The following GLG1 variants were observed in gnomAD, a reference collection of about 807,000 sequenced individuals.
The protein encoded by GLG1 is golgi glycoprotein 1.
A neutral mutation model predicts 160.5 loss-of-function variants in GLG1; 38 were observed. The observed-to-expected ratio is 0.24, with a 90% confidence interval of 0.18 to 0.31. The LOEUF (loss-of-function observed/expected upper bound fraction) is 0.31, where lower values mean the gene tolerates loss of function less well. GLG1 is among the 10% of genes least tolerant of loss of function. The probability of loss-of-function intolerance (pLI) is 1.00; values close to 1 mark genes in which losing one functional copy is unlikely to be tolerated. For missense variants in GLG1, 1,373 were observed against 1,505.2 expected (o/e 0.91, Z 1.45); for synonymous variants, 644 against 543.4 (o/e 1.19, Z -2.57).
At chr16:74,497,239 A>C (rs2016223036) in intron 4 of GLG1, among the ~76,000 whole-genome samples, 1 of 150,706 alleles carries the variant, frequency 6.6e-6, no homozygotes, top group Non-Finnish European at 1.5e-5. Flanking sequence ...CAGTGAGCCG[A>C]GATCGTGCCA....
chr16:74,592,550 A>G (rs1205852812), intron 1 of GLG1, among the ~76,000 whole-genome samples: 2 of 152,180 alleles, frequency 1.3e-5, no homozygotes, highest in Non-Finnish European at 2.9e-5. Context: ...GCAGCGAACA[A>G]AAAGCATTAT....
At chr16:74,560,706 G>T (rs1261136241) in intron 1 of GLG1, among the ~76,000 whole-genome samples, 1 of 152,104 alleles carries the variant, frequency 6.6e-6, no homozygotes, top group Non-Finnish European at 1.5e-5. Flanking sequence ...CCTGAGCTGG[G>T]CATGGTGGCT....
intron 7 of GLG1, 135 bp downstream of exon 7, chr16:74,492,822 A>AG: frequency 1.9e-6 from 1 of 521,570 alleles, no homozygotes; most frequent in Non-Finnish European, 3.1e-6. Context: ...CTCCGTCTCA[A>AG]GAAAAAAAAA....
chr16:74,480,453 G>A, intron 10 of GLG1, 59 bp from the exon 11 acceptor site: 1 of 1,313,936 alleles, frequency 7.6e-7, no homozygotes, highest in Admixed American at 2.1e-5. Context: ...TTCTAACACA[G>A]GCTCAGGGTT....
chr16:74,468,799 G>T, intron 17 of GLG1, 147 bp downstream of exon 17: 1 of 640,632 alleles, frequency 1.6e-6, no homozygotes, highest in East Asian at 2.6e-5. Context: ...GGAAGCTAAT[G>T]GTCGTATGTT....
chr16:74,460,329 G>A (rs1035441278), intron 22 of GLG1, among the ~76,000 whole-genome samples: 1 of 152,030 alleles, frequency 6.6e-6, no homozygotes, highest in Non-Finnish European at 1.5e-5. Flanking sequence ...CCTGATTTTT[G>A]TATTTCTAGT....
rs775655830 is a variant in GLG1 at position 74,492,966 on chromosome 16, C to T, written c.1225G>A (p.Val409Ile). 3.7e-6 allele frequency: 6 copies of T among 1,605,608 alleles called. No homozygotes were observed. In the African/African-American group the frequency reaches 6.7e-5, roughly 18 times the overall value. The change falls in exon 7 of 26, where the codon GTA (valine) becomes ATA (isoleucine). Residue 409 changes from valine to isoleucine, a missense_variant. Transcript: ENST00000422840. ...SYLLMCLESA[V>I]HRGRQVSSEC... ...AAAATATGAATGCTACCTCTGTGTA[C>T]AGCTGACTCCAGGCACATTAACAAG...
intron 2 of GLG1, among the ~76,000 whole-genome samples, chr16:74,527,502 A>G (rs547424221): frequency 2.3e-4 from 35 of 152,124 alleles, no homozygotes; most frequent in South Asian, 8.3e-4. Flanking sequence ...CACCCACCTC[A>G]GCCTCCCAAA....
intron 8 of GLG1, among the ~76,000 whole-genome samples, chr16:74,487,791 C>T (rs1001945644): frequency 1.3e-5 from 2 of 151,982 alleles, no homozygotes; most frequent in Non-Finnish European, 2.9e-5. Flanking sequence ...TATTTACAGG[C>T]GAAAATGAAT....
In GLG1 at chr16:74,485,840, A is replaced by C. The variant is rs1181238109; in HGVS notation, c.1527T>G (p.Ser509=). 1 of 1,612,986 alleles carries C rather than the reference A, an allele frequency of 6.2e-7. No individual in the cohort carries two copies. The highest frequency in any genetic ancestry group is 8.5e-7 in the Non-Finnish European group (1 of 1,178,942). Residue 509 remains serine, a synonymous_variant, in exon 9 of 26, where the codon TCT becomes TCG. Transcript: ENST00000422840. ...IDRALNEACE[S]VIQTACKHIR... is the part of the protein sequence containing the mutation. The stretch of plus-strand genomic sequence containing the variant: ...TATGTTTGCAGGCTGTCTGGATTAC[A>C]GATTCACAAGCTTCATTCAAAGCTC...
At chr16:74,456,531 G>A (rs1373017217) in intron 25 of GLG1, 118 bp downstream of exon 25, 3 of 715,274 alleles carry the variant, frequency 4.2e-6, no homozygotes, top group Non-Finnish European at 5.0e-6. Context: ...ATCTAAAAGA[G>A]GCTGGACAGC....
chr16:74,471,096 G>A, intron 15 of GLG1, 77 bp downstream of exon 15: 2 of 844,384 alleles, frequency 2.4e-6, no homozygotes, highest in East Asian at 2.4e-5. Context: ...GAGGTGCTCT[G>A]ATGTTCCAAA....
At chr16:74,570,741 A>G (rs559863607) in intron 1 of GLG1, among the ~76,000 whole-genome samples, 1 of 152,312 alleles carries the variant, frequency 6.6e-6, no homozygotes, top group African/African-American at 2.4e-5. Flanking sequence ...ATAAAAAATC[A>G]GCCAGGTGTG....
At position 74,503,527 on chromosome 16, in the gene GLG1, A is replaced by T; in HGVS notation, c.774+4T>A. ...TTTGTTGAAGCTAACGTAGTATTAG[A>T]TACCTTTTCTCCAAGCCGAATACTG... On this transcript the variant is annotated splice_donor_region_variant and intron_variant, in intron 4 of 25. Coordinates refer to ENST00000422840, the MANE Select transcript of GLG1 (RefSeq NM_001145667.2). 6.3e-7 allele frequency: 1 copy of T among 1,587,046 alleles called. No individual in the cohort carries two copies. Among genetic ancestry groups the T allele is most frequent in the South Asian group, 1.1e-5 (1 of 90,520 alleles).
Position 74,450,595 on chromosome 16 carries a change from A to C in GLG1, c.*2572T>G, listed in dbSNP as rs1210440662. On this transcript the variant is annotated 3_prime_UTR_variant, in exon 26 of 26. Transcript: ENST00000422840. ...GCCAGGCAGGGTGGCTCACACCTGT[A>C]ATCCCAGCACTTTGGGAAGCTGAGG... The C allele has an allele frequency of 6.6e-6, 1 of 152,238 alleles. No homozygotes were observed. Among genetic ancestry groups the C allele is most frequent in the Non-Finnish European group, 1.5e-5 (1 of 68,068 alleles). The allele number at this position is 152,238 out of a possible 1,614,324, so 9.4% of individuals were successfully genotyped here. A position where few individuals can be genotyped will look rare whatever the true frequency, so the allele number is the denominator to read the frequency against.
intron 1 of GLG1, among the ~76,000 whole-genome samples, chr16:74,574,347 T>G (rs1312204735): frequency 6.6e-6 from 1 of 152,202 alleles, no homozygotes; most frequent in Non-Finnish European, 1.5e-5. Context: ...CAAAATATTA[T>G]CTAATATAAA....
intron 2 of GLG1, 131 bp from the exon 3 acceptor site, chr16:74,509,056 C>A: frequency 2.2e-6 from 1 of 455,288 alleles, no homozygotes; most frequent in Non-Finnish European, 3.9e-6. Flanking sequence ...AGATAACAAA[C>A]AAAGTAGGAT....
intron 10 of GLG1, among the ~76,000 whole-genome samples, chr16:74,481,512 T>C (rs1428893488): frequency 2.6e-5 from 4 of 152,154 alleles, no homozygotes; most frequent in African/African-American, 9.7e-5. Flanking sequence ...GAAAACGTGA[T>C]TTTGATTAAG....
chr16:74,469,806 C>T (rs914220153), intron 16 of GLG1, 179 bp downstream of exon 16: 16 of 596,800 alleles, frequency 2.7e-5, no homozygotes, highest in Non-Finnish European at 3.9e-5. Flanking sequence ...GAACTACCAT[C>T]GCCAGATGCT....
Sources: gnomAD v4.1 joint callset for allele counts (sites outside exome capture counted in the v4.1 genomes callset) on GRCh38, gnomAD v4.1.1 for gene constraint, MANE v1.5 for transcripts, NCBI Gene and HGNC (gene_info 2026-07-23, HGNC 2026-07-21) for gene names.